Variants in ERC2 observed in about 807,000 individuals in gnomAD.
ERC2 encodes the protein ELKS/RAB6-interacting/CAST family member 2, also known as ERC protein 2.
In ERC2, 42 loss-of-function variants were observed where a neutral mutation model predicts 114.8. The ratio of observed to expected loss-of-function variants is 0.37; its 90% CI spans 0.29 to 0.47. ERC2 has a LOEUF of 0.47. Among genes scored for constraint, ERC2 ranks in the 20% least tolerant of loss-of-function variants. The pLI, the probability that ERC2 is intolerant of heterozygous loss-of-function variation, is 0.99. For synonymous variants in ERC2, 454 were observed against 425.5 expected (o/e 1.07, Z -0.82); for missense variants, 939 against 1,150.7 (o/e 0.82, Z 2.66).
At chr3:56,143,043 T>C (rs1015947410) in intron 5 of ERC2, among the ~76,000 whole-genome samples, 1 of 152,194 alleles carries the variant, frequency 6.6e-6, no homozygotes, top group Non-Finnish European at 1.5e-5. Flanking sequence ...GAACAAATTT[T>C]TTCATCTTTT....
intron 14 of ERC2, among the ~76,000 whole-genome samples, chr3:55,832,174 G>A (rs1163439104): frequency 6.6e-6 from 1 of 152,250 alleles, no homozygotes; most frequent in Admixed American, 6.5e-5. Flanking sequence ...AACTCTGGGG[G>A]CAGGGCACGG....
chr3:56,104,556 A>G (rs1434765977), intron 6 of ERC2, among the ~76,000 whole-genome samples: 2 of 152,140 alleles, frequency 1.3e-5, no homozygotes, highest in Non-Finnish European at 2.9e-5. Context: ...ACAGAATGGA[A>G]TTACTTTTTA....
At chr3:55,861,744 T>A (rs1367686924) in intron 14 of ERC2, among the ~76,000 whole-genome samples, 5 of 152,210 alleles carry the variant, frequency 3.3e-5, no homozygotes, top group Non-Finnish European at 7.3e-5. Flanking sequence ...CCCCAGGCCT[T>A]GTTGGTAGAA....
At chr3:55,542,377 C>G (rs1052193023) in intron 17 of ERC2, among the ~76,000 whole-genome samples, 1 of 152,164 alleles carries the variant, frequency 6.6e-6, no homozygotes, top group East Asian at 1.9e-4. Flanking sequence ...CTCACTGTGG[C>G]TCTGTGAAAA....
intron 2 of ERC2, among the ~76,000 whole-genome samples, chr3:56,361,186 G>A (rs1203641388): frequency 2.0e-5 from 3 of 152,078 alleles, no homozygotes; most frequent in Admixed American, 6.6e-5. Flanking sequence ...AAAAAGAGGT[G>A]GGTGAGGCAG....
At chr3:55,683,715 G>A (rs988528876) in intron 17 of ERC2, 79 bp downstream of exon 17, 12 of 1,124,932 alleles carry the variant, frequency 1.1e-5, no homozygotes, top group Admixed American at 6.3e-5. Context: ...AAACATCAGC[G>A]AGCACAATCG....
chr3:55,544,210 C>T (rs2054590176), intron 17 of ERC2, among the ~76,000 whole-genome samples: 1 of 152,194 alleles, frequency 6.6e-6, no homozygotes, highest in Non-Finnish European at 1.5e-5. Flanking sequence ...AGGTCTCAGC[C>T]TCCCAATTAG....
rs538258500 is a variant in ERC2, at chr3:55,815,313, G to C, written c.2564+73076C>G. ...ATATATTATGTTACCTGGCAAAAGGGACTTTGCAAACATAATTAAGGTCAC... is the reference window on the plus strand; with the variant it reads ...ATATATTATGTTACCTGGCAAAAGGCACTTTGCAAACATAATTAAGGTCAC... On this transcript the variant is annotated intron_variant, in intron 14 of 17. Transcript: ENST00000288221. Among the ~76,000 whole-genome samples the C allele has an allele frequency of 2.6e-5, 4 of 152,262 alleles. 1 individual carries two copies. The South Asian group carries it at 8.3e-4, about 32-fold the overall frequency.
intron 3 of ERC2, among the ~76,000 whole-genome samples, chr3:56,178,941 A>G (rs1444340390): frequency 6.6e-6 from 1 of 152,154 alleles, no homozygotes; most frequent in Admixed American, 6.5e-5. Context: ...GTGACGCTTA[A>G]GCAAAGATCT....
chr3:56,225,495 T>C (rs2050192678), intron 3 of ERC2, among the ~76,000 whole-genome samples: 1 of 152,222 alleles, frequency 6.6e-6, no homozygotes, highest in South Asian at 2.1e-4. Context: ...TATTTACCAA[T>C]GAAAATTTTA....
At chr3:56,238,718 G>A (rs766761916) in intron 3 of ERC2, among the ~76,000 whole-genome samples, 76 of 152,206 alleles carry the variant, frequency 5.0e-4, no homozygotes, top group Non-Finnish European at 9.0e-4. Flanking sequence ...AGCAATGCTA[G>A]AGCAACTTGC....
chr3:56,197,095 C>T (rs1292466041), intron 3 of ERC2, among the ~76,000 whole-genome samples: 1 of 152,220 alleles, frequency 6.6e-6, no homozygotes, highest in South Asian at 2.1e-4. Context: ...TTTGCACATG[C>T]CTGAGATACA....
At chr3:56,326,627 T>A (rs1433906511) in intron 2 of ERC2, among the ~76,000 whole-genome samples, 2 of 152,210 alleles carry the variant, frequency 1.3e-5, no homozygotes, top group African/African-American at 4.8e-5. Context: ...CTGCTGACCT[T>A]ATCAAGGTCA....
At chr3:55,785,832 T>A (rs2069442287) in intron 14 of ERC2, among the ~76,000 whole-genome samples, 1 of 152,212 alleles carries the variant, frequency 6.6e-6, no homozygotes, top group South Asian at 2.1e-4. Flanking sequence ...CTTTAACACA[T>A]CAAGGTCATA....
chr3:55,920,634 G>T (rs2065372472), intron 13 of ERC2, among the ~76,000 whole-genome samples: 1 of 152,000 alleles, frequency 6.6e-6, no homozygotes, highest in South Asian at 2.1e-4. Context: ...ACATCAACAT[G>T]AATTCTACTT....
rs573663805 is a variant in ERC2 at position 55,772,950 on chromosome 3, C to T, written c.2565-38032G>A. On this transcript the variant is annotated intron_variant, in intron 14 of 17. Transcript: ENST00000288221. ...AATAGGTCCAAAGTGGACCATGACG[C>T]ACCACCCCACTGCCAAGACCTGGTG... 3.9e-5 allele frequency among the ~76,000 whole-genome samples: 6 copies of T among 152,212 alleles called. No homozygotes were observed. In the South Asian group the frequency reaches 1.2e-3, roughly 32 times the overall value.
intron 14 of ERC2, among the ~76,000 whole-genome samples, chr3:55,885,884 A>C (rs2063330438): frequency 6.6e-6 from 1 of 152,218 alleles, no homozygotes; most frequent in Non-Finnish European, 1.5e-5. Flanking sequence ...CATTTCTCCC[A>C]AGTCACAGCC....
chr3:55,638,967 C>T (rs1311256161), intron 17 of ERC2, among the ~76,000 whole-genome samples: 1 of 152,140 alleles, frequency 6.6e-6, no homozygotes, highest in African/African-American at 2.4e-5. Flanking sequence ...TGAATGGTAC[C>T]TGGTAAAAGC....
intron 6 of ERC2, among the ~76,000 whole-genome samples, chr3:56,138,568 C>T (rs995767476): frequency 6.6e-6 from 1 of 152,176 alleles, no homozygotes; most frequent in Non-Finnish European, 1.5e-5. Context: ...CACAGATCTA[C>T]TCAACAGTCC....
Sources: allele counts gnomAD v4.1 joint callset (sites outside exome capture counted in the v4.1 genomes callset), GRCh38; gene constraint gnomAD v4.1.1; transcripts MANE v1.5; gene names NCBI Gene and HGNC (gene_info 2026-07-23, HGNC 2026-07-21).